Variants in HCN2 observed in about 807,000 individuals in gnomAD.
The protein encoded by HCN2 is potassium/sodium hyperpolarization-activated cyclic nucleotide-gated channel 2.
Under a neutral mutation model 52.3 loss-of-function variants are expected in HCN2, and 20 were observed. The ratio of observed to expected loss-of-function variants is 0.38; its 90% CI spans 0.27 to 0.56. The LOEUF (loss-of-function observed/expected upper bound fraction) is 0.56. HCN2 is among the 20% of genes least tolerant of loss of function. HCN2 has a pLI of 0.71. For missense variants in HCN2, 981 were observed against 1,207.7 expected (o/e 0.81, Z 2.78); for synonymous variants, 694 against 537.0 (o/e 1.29, Z -4.04).
intron 3 of HCN2, among the ~76,000 whole-genome samples, chr19:606,624 A>G (rs1291407018): frequency 1.3e-5 from 2 of 149,406 alleles, no homozygotes; most frequent in East Asian, 2.0e-4. Flanking sequence ...AGGCTGAGGC[A>G]GGCGGATCAC....
chr19:610,540 G>C (rs777423391), intron 5 of HCN2, 135 bp downstream of exon 5: 3 of 730,270 alleles, frequency 4.1e-6, no homozygotes, highest in Non-Finnish European at 6.9e-6. Flanking sequence ...CTAGACCTGC[G>C]TACACACCCT....
rs1443375149 is a variant in HCN2 at position 615,994 on chromosome 19, G to C, written c.2190G>C (p.Leu730=). The stretch of plus-strand genomic sequence containing the variant: ...AGGTCACCTCGGCCATCGCCACGCT[G>C]CAGCAGGCGGCGGCCATGAGCTTCT... ...PPQVTSAIAT[L]QQAAAMSFCP... is the part of the protein sequence containing the mutation. The change falls in exon 8 of 8, where the codon CTG becomes CTC. Residue 730 remains leucine, a synonymous_variant. Coordinates refer to ENST00000251287, the MANE Select transcript of HCN2 (RefSeq NM_001194.4). 1 of 1,565,906 alleles carries C rather than the reference G, an allele frequency of 6.4e-7. No individual in the cohort carries two copies. Among genetic ancestry groups the C allele is most frequent in the Admixed American group, 1.9e-5 (1 of 53,540 alleles).
In HCN2 at chr19:613,679, CCGGGG is replaced by C. The variant is rs1983761903; in HGVS notation, c.1826-172_1826-168del. The stretch of plus-strand genomic sequence containing the variant: ...GATGGGGCCGGGGATGGGGATGGGG[CCGGGG>C]ATGGGGCCGGGGATGGGGCCGGGGA... On this transcript the variant is annotated intron_variant, in intron 6 of 7. Transcript: ENST00000251287. Among the ~76,000 whole-genome samples the C allele has an allele frequency of 3.7e-4, 11 of 29,702 alleles. 1 individual carries two copies. Among genetic ancestry groups the C allele is most frequent in the Non-Finnish European group, 5.4e-4 (7 of 12,902 alleles). The allele number at this position is 29,702 out of a possible 152,430, so 19.5% of individuals were successfully genotyped here. A position where few individuals can be genotyped will look rare whatever the true frequency, so the allele number is the denominator to read the frequency against.
chr19:609,471 G>A (rs1262842200), intron 4 of HCN2, among the ~76,000 whole-genome samples: 1 of 152,204 alleles, frequency 6.6e-6, no homozygotes, highest in Non-Finnish European at 1.5e-5. Context: ...GCTAGATAAA[G>A]TTCAGGGCAC....
chr19:608,039 C>T lies in HCN2; in HGVS notation c.1294C>T (p.Arg432Trp), dbSNP rs1983482097. The change falls in exon 4 of 8, where the codon CGG becomes TGG. Residue 432 changes from arginine (R) to tryptophan (W), a missense_variant. Arg to Trp is a moderately radical substitution (Grantham distance 101). Coordinates refer to ENST00000251287, the MANE Select transcript of HCN2 (RefSeq NM_001194.4). ...CCACATGCTGTGCATCGGGTACGGCCGGCAGGCGCCCGAGAGCATGACGGA... is the reference window on the plus strand; with the variant it reads ...CCACATGCTGTGCATCGGGTACGGCTGGCAGGCGCCCGAGAGCATGACGGA... ...MSHMLCIGYG[R>W]QAPESMTDIW... is the part of the protein sequence containing the mutation. The T allele has an allele frequency of 6.2e-7, 1 of 1,612,876 alleles. No individual in the cohort carries two copies. The highest frequency in any genetic ancestry group is 8.5e-7 in the Non-Finnish European group (1 of 1,180,034).
chr19:614,016 G>A lies in HCN2; in HGVS notation c.1990G>A (p.Gly664Ser), dbSNP rs1196240158. 3 of 966,204 alleles carry A rather than the reference G, an allele frequency of 3.1e-6. No individual in the cohort carries two copies. The highest frequency in any genetic ancestry group is 2.9e-5 in the East Asian group (1 of 34,648). The allele number at this position is 966,204 out of a possible 1,614,324, so 59.9% of individuals were successfully genotyped here. ...TVAIDRLDRI[G>S]KKNSILLHKV... ...GGCCATCGACCGCCTGGACCGCATC[G>A]GTGAGCGGGCCGGGGGCGTGGCCGG... Residue 664 changes from glycine (G) to serine (S), a missense_variant and splice_region_variant, in exon 7 of 8, where the codon GGC becomes AGC. Transcript: ENST00000251287.
chr19:597,422 T>G (rs1413808031), intron 1 of HCN2, among the ~76,000 whole-genome samples: 1 of 152,230 alleles, frequency 6.6e-6, no homozygotes, highest in Non-Finnish European at 1.5e-5. Flanking sequence ...GGCCTTCATG[T>G]TATATGGCCG....
chr19:611,174 G>T (rs1005821752), intron 5 of HCN2, among the ~76,000 whole-genome samples: 1 of 152,220 alleles, frequency 6.6e-6, no homozygotes, highest in East Asian at 1.9e-4. Context: ...GGAACCGGGG[G>T]TCAGGATGTC....
Position 616,953 on chromosome 19 carries a change from G to C in HCN2, c.*479G>C, listed in dbSNP as rs1463421259. On this transcript the variant is annotated 3_prime_UTR_variant, in exon 8 of 8. Coordinates refer to ENST00000251287, the MANE Select transcript of HCN2 (RefSeq NM_001194.4). Reference sequence around the variant, plus strand: ...CCCCCGTCCGCGCGCGTCCCCCGGTGACCTCGGGGAGCAGCACCCCGCCTC... The same window carrying C: ...CCCCCGTCCGCGCGCGTCCCCCGGTCACCTCGGGGAGCAGCACCCCGCCTC... 2.4e-6 allele frequency: 1 copy of C among 421,800 alleles called. No individual in the cohort carries two copies. The highest frequency in any genetic ancestry group is 4.4e-6 in the Non-Finnish European group (1 of 228,886). The allele number at this position is 421,800 out of a possible 1,614,324, so 26.1% of individuals were successfully genotyped here.
At chr19:607,920 G>T (rs746156381) in intron 3 of HCN2, 44 bp from the exon 4 acceptor site, 5 of 1,505,036 alleles carry the variant, frequency 3.3e-6, no homozygotes, top group East Asian at 2.3e-5. Context: ...GGCTCCTGGG[G>T]CGTGAGCACC....
chr19:614,098 C>T (rs1365495360), intron 7 of HCN2, 82 bp downstream of exon 7: 111 of 695,006 alleles, frequency 1.6e-4, no homozygotes, highest in Non-Finnish European at 1.9e-4. Context: ...GTGGCTTGGA[C>T]AGTGGCAGGG....
chr19:607,732 C>T (rs961986167), intron 3 of HCN2, among the ~76,000 whole-genome samples: 5 of 152,208 alleles, frequency 3.3e-5, no homozygotes, highest in African/African-American at 1.2e-4. Context: ...TCTCAGTTTC[C>T]CCAGGAGTGA....
At chr19:593,141 G>A (rs1219009468) in intron 1 of HCN2, among the ~76,000 whole-genome samples, 1 of 152,144 alleles carries the variant, frequency 6.6e-6, no homozygotes, top group African/African-American at 2.4e-5. Context: ...AGCTGTCTCC[G>A]CCACGCCCAA....
At chr19:602,768 C>T (rs1053118404) in intron 1 of HCN2, among the ~76,000 whole-genome samples, 1 of 152,250 alleles carries the variant, frequency 6.6e-6, no homozygotes, top group Admixed American at 6.5e-5. Context: ...TTTTGAGCCA[C>T]CTCTTGGGCC....
At chr19:605,018 CG>C in intron 2 of HCN2, 42 bp from the exon 3 acceptor site, 5 of 1,254,118 alleles carry the variant, frequency 4.0e-6, no homozygotes, top group East Asian at 2.9e-5. Flanking sequence ...AGGTGGGGGC[CG>C]GGGGTCAGCG....
chr19:603,806 A>C lies in HCN2; in HGVS notation c.895A>C (p.Ile299Leu). ...TWFVVDFVSS[I>L]PVDYIFLIVE... The stretch of plus-strand genomic sequence containing the variant: ...GTTCGTGGTGGACTTCGTGTCCTCC[A>C]TCCCCGTGGACTACATCTTCCTTAT... Residue 299 changes from isoleucine (I) to leucine (L), a missense_variant, in exon 2 of 8, where the codon ATC becomes CTC. By Grantham distance (5) the Ile-to-Leu change is conservative (BLOSUM62 2). This residue lies in a region of HCN2 where 282 missense variants were observed against 553.8 expected (regional missense o/e 0.51). Transcript: ENST00000251287. 2.5e-6 allele frequency: 4 copies of C among 1,612,750 alleles called. No homozygotes were observed. The highest frequency in any genetic ancestry group is 3.4e-6 in the Non-Finnish European group (4 of 1,179,862).
At chr19:611,181 T>G (rs1252705502) in intron 5 of HCN2, among the ~76,000 whole-genome samples, 1 of 151,998 alleles carries the variant, frequency 6.6e-6, no homozygotes, top group Non-Finnish European at 1.5e-5. Context: ...GGGGTCAGGA[T>G]GTCAGCCTGT....
chr19:613,962 C>G lies in HCN2; in HGVS notation c.1936C>G (p.Pro646Ala). The G allele has an allele frequency of 1.3e-6, 2 of 1,543,728 alleles. No individual in the cohort carries two copies. The highest frequency in any genetic ancestry group is 1.7e-6 in the Non-Finnish European group (2 of 1,144,650). ...DNFNEVLEEYPMMRRAFETVA... is the reference protein window; with the variant it reads ...DNFNEVLEEYAMMRRAFETVA... ...CTTCAACGAGGTGCTGGAGGAGTAC[C>G]CCATGATGCGGCGCGCCTTCGAGAC... Residue 646 changes from proline (P) to alanine (A), a missense_variant, in exon 7 of 8, where the codon CCC becomes GCC. By Grantham distance (27) the Pro-to-Ala change is conservative (BLOSUM62 -1). This residue lies in a region of HCN2 where 85 missense variants were observed against 106.1 expected (regional missense o/e 0.80). Coordinates refer to ENST00000251287, the MANE Select transcript of HCN2 (RefSeq NM_001194.4).
rs929441223 is a variant in HCN2, at chr19:592,084, C to A, written c.632+1507C>A. ...AGCTTGGTCAGCATCTGGGCTCTGGCCTGCGAAATGTGGACAGTGAGCGGG... is the reference window on the plus strand; with the variant it reads ...AGCTTGGTCAGCATCTGGGCTCTGGACTGCGAAATGTGGACAGTGAGCGGG... On this transcript the variant is annotated intron_variant, in intron 1 of 7. Coordinates refer to ENST00000251287, the MANE Select transcript of HCN2 (RefSeq NM_001194.4). This position sits in a 1 kb window ranked among gnomAD's most constrained non-coding sequence, Gnocchi z 4.8. 1.3e-5 allele frequency among the ~76,000 whole-genome samples: 2 copies of A among 152,196 alleles called. No individual in the cohort carries two copies. The highest frequency in any genetic ancestry group is 4.8e-5 in the African/African-American group (2 of 41,460).
Sources: gnomAD v4.1 joint callset for allele counts (sites outside exome capture counted in the v4.1 genomes callset) on GRCh38, gnomAD v4.1.1 for gene constraint, gnomAD v4.1.1 regional missense constraint, Gnocchi (gnomAD v3.1) non-coding constraint, MANE v1.5 for transcripts, NCBI Gene and HGNC (gene_info 2026-07-23, HGNC 2026-07-21) for gene names.